CLDN16: variants seen among roughly 807,000 people sequenced by gnomAD.
The protein encoded by CLDN16 is claudin 16, also known as claudin-16.
In CLDN16, 13 loss-of-function variants were observed where a neutral mutation model predicts 24.6. That is an observed-to-expected ratio of 0.53 (90% CI 0.34 to 0.84). The LOEUF (loss-of-function observed/expected upper bound fraction) is 0.84, where lower values mean the gene tolerates loss of function less well. Among genes scored for constraint, CLDN16 ranks in the 40% least tolerant of loss-of-function variants. CLDN16 has a pLI of 0.01. For synonymous variants in CLDN16, 116 were observed against 106.7 expected (o/e 1.09, Z -0.54); for missense variants, 298 against 292.7 (o/e 1.02, Z -0.13).
the CLDN16 span, among the ~76,000 whole-genome samples, chr3:190,297,480 T>C: frequency 4.7e-5 from 6 of 127,032 alleles, no homozygotes; most frequent in Non-Finnish European, 7.9e-5. Flanking sequence ...ATATTATCTA[T>C]ATATTATATA....
upstream of CLDN16, among the ~76,000 whole-genome samples, chr3:190,320,665 G>A (rs1716893897): frequency 6.6e-6 from 1 of 152,144 alleles, no homozygotes. Context: ...TATGGCTTTT[G>A]ATATACACTA....
the CLDN16 span, among the ~76,000 whole-genome samples, chr3:190,304,618 C>T: frequency 6.6e-6 from 1 of 152,164 alleles, no homozygotes; most frequent in East Asian, 1.9e-4. Context: ...CTAGAAGCTG[C>T]AATGACTTCT....
intron 1 of CLDN16, among the ~76,000 whole-genome samples, chr3:190,351,634 T>C (rs1468527087): frequency 2.0e-5 from 3 of 152,172 alleles, no homozygotes; most frequent in Non-Finnish European, 4.4e-5. Flanking sequence ...CTTTTTAAGG[T>C]TTTTATTTTT....
intron 3 of CLDN16, among the ~76,000 whole-genome samples, chr3:190,378,389 T>G (rs906791338): frequency 6.6e-6 from 1 of 151,986 alleles, no homozygotes; most frequent in Non-Finnish European, 1.5e-5. Flanking sequence ...GAGAACAGGA[T>G]ATACAGTACA....
intron 3 of CLDN16, among the ~76,000 whole-genome samples, chr3:190,378,042 G>A (rs1718282028): frequency 6.6e-6 from 1 of 151,882 alleles, no homozygotes; most frequent in Non-Finnish European, 1.5e-5. Context: ...GTCAAACCTG[G>A]GTTTAAATCC....
At chr3:190,343,026 C>A (rs2108630538) in intron 1 of CLDN16, among the ~76,000 whole-genome samples, 1 of 152,180 alleles carries the variant, frequency 6.6e-6, no homozygotes, top group African/African-American at 2.4e-5. Context: ...AAAAGACAAC[C>A]TACGGATTGG....
At chr3:190,388,586 C>T (rs1362444545) in intron 1 of CLDN16, 143 bp downstream of exon 1, 3 of 764,368 alleles carry the variant, frequency 3.9e-6, no homozygotes, top group Non-Finnish European at 7.1e-6. Flanking sequence ...TGAGTCTTTA[C>T]ATTATTAGCT....
intron 1 of CLDN16, among the ~76,000 whole-genome samples, chr3:190,365,741 T>C (rs1178794178): frequency 2.0e-5 from 3 of 151,574 alleles, no homozygotes; most frequent in Non-Finnish European, 4.4e-5. Context: ...ATACACAGTC[T>C]CCCAGATTCG....
intron 1 of CLDN16, among the ~76,000 whole-genome samples, chr3:190,364,967 T>C (rs1029426829): frequency 6.6e-6 from 1 of 151,870 alleles, no homozygotes; most frequent in Non-Finnish European, 1.5e-5. Flanking sequence ...CTTTAGTCAA[T>C]GGATACTTGT....
intron 1 of CLDN16, among the ~76,000 whole-genome samples, chr3:190,343,900 A>G (rs1408054872): frequency 6.6e-6 from 1 of 152,092 alleles, no homozygotes; most frequent in African/African-American, 2.4e-5. Context: ...TAATGTACAA[A>G]TAGAGACTAC....
At position 190,356,142 on chromosome 3, in the gene CLDN16, C is replaced by T. The variant is rs182399643; in HGVS notation, n.122-14751C>T. On this transcript the variant is annotated intron_variant and non_coding_transcript_variant, in intron 1 of 4. Coordinates refer to the CLDN16 transcript ENST00000468220. ...AAAGTCATCATTTTGGTAGGCTAAG[C>T]ATATACAATTTTTTTTCAGGTTCCT... Among the ~76,000 whole-genome samples, 1,060 of 151,590 alleles carry T rather than the reference C, an allele frequency of 7.0e-3. 11 individuals carry two copies. The highest frequency in any genetic ancestry group is 0.024 in the African/African-American group (1,005 of 41,422).
At chr3:190,340,047 C>T (rs1326503294) in intron 1 of CLDN16, among the ~76,000 whole-genome samples, 2 of 152,086 alleles carry the variant, frequency 1.3e-5, no homozygotes, top group Non-Finnish European at 2.9e-5. Context: ...TATTAACAGA[C>T]ATAAAGTCAA....
chr3:190,291,538 C>T, the CLDN16 span, among the ~76,000 whole-genome samples: 1 of 152,130 alleles, frequency 6.6e-6, no homozygotes, highest in Non-Finnish European at 1.5e-5. Context: ...AGTCACCTCC[C>T]ATCAGGTCCC....
the CLDN16 span, among the ~76,000 whole-genome samples, chr3:190,314,536 A>G: frequency 2.0e-5 from 3 of 150,700 alleles, no homozygotes; most frequent in Non-Finnish European, 2.9e-5. Context: ...CTGGGACTGC[A>G]GGCACGAACC....
chr3:190,303,894 C>CA, the CLDN16 span, among the ~76,000 whole-genome samples: 17 of 79,338 alleles, frequency 2.1e-4, no homozygotes, highest in Middle Eastern at 5.7e-3. Flanking sequence ...CCACAAAACA[C>CA]AAAAAAAAGC....
intron 1 of CLDN16, among the ~76,000 whole-genome samples, chr3:190,392,430 T>A (rs1451415512): frequency 1.3e-5 from 2 of 152,112 alleles, no homozygotes; most frequent in Non-Finnish European, 2.9e-5. Context: ...ACAAATAATC[T>A]CTGACAACTT....
At chr3:190,405,531 CT>C (rs1719077394) in intron 3 of CLDN16, among the ~76,000 whole-genome samples, 1 of 150,408 alleles carries the variant, frequency 6.6e-6, no homozygotes, top group Non-Finnish European at 1.5e-5. Context: ...AATAATTTAT[CT>C]TGTGATTATT....
At chr3:190,322,057 C>G (rs137884424), upstream of CLDN16, 4 of 1,614,120 alleles carry the variant, frequency 2.5e-6, no homozygotes, top group African/African-American at 5.3e-5. Context: ...AGGACATCCA[C>G]AGCCCCTCGT....
At chr3:190,393,213 A>G (rs1718724295) in intron 1 of CLDN16, among the ~76,000 whole-genome samples, 1 of 152,204 alleles carries the variant, frequency 6.6e-6, no homozygotes, top group Non-Finnish European at 1.5e-5. Context: ...CAAGAGTTTA[A>G]ATGAATGAAA....
Sources: allele counts gnomAD v4.1 joint callset (sites outside exome capture counted in the v4.1 genomes callset), GRCh38; gene constraint gnomAD v4.1.1; transcripts MANE v1.5; gene names NCBI Gene and HGNC (gene_info 2026-07-23, HGNC 2026-07-21).